ZNF195: variants seen among roughly 807,000 people sequenced by gnomAD.
The protein encoded by ZNF195 is zinc finger protein 195, also known as hypoxia-regulated factor-1.
A neutral mutation model predicts 19.5 loss-of-function variants in ZNF195; 11 were observed. The ratio of observed to expected loss-of-function variants is 0.57; its 90% CI spans 0.36 to 0.94. The LOEUF (loss-of-function observed/expected upper bound fraction) is 0.94, where lower values mean the gene tolerates loss of function less well. ZNF195 is among the 40% of genes least tolerant of loss of function. The pLI is 0.01. For missense variants in ZNF195, 582 were observed against 709.0 expected, an observed-to-expected ratio of 0.82 and a Z score of 2.03; for synonymous variants, 214 against 248.1, an observed-to-expected ratio of 0.86 and a Z score of 1.29.
intron 1 of ZNF195, chr11:3,377,755 G>T: frequency 9.6e-7 from 1 of 1,046,250 alleles, no homozygotes. Context: ...TGCTCCAGCA[G>T]ACATGGCCAT....
intron 1 of ZNF195, chr11:3,373,461 A>G: frequency 6.0e-6 from 5 of 838,028 alleles, no homozygotes; most frequent in Non-Finnish European, 9.8e-6. Context: ...AAAGTAGTTG[A>G]AACAAACTTA....
chr11:3,359,769 C>T lies in ZNF195; in HGVS notation c.1239G>A (p.Glu413=), dbSNP rs1257295861. The T allele has an allele frequency of 6.2e-7, 1 of 1,614,018 alleles. No homozygotes were observed. Among genetic ancestry groups the T allele is most frequent in the African/African-American group, 1.3e-5 (1 of 74,914 alleles). Residue 413 remains glutamate, a synonymous_variant, in exon 6 of 6, where the codon GAG becomes GAA. Transcript: ENST00000399602. This position sits in a 1 kb window ranked among gnomAD's most constrained non-coding sequence, Gnocchi z 5.5. ...ACCACTTGAAGATGCTGTCACATTC[C>T]TCACATTTGAAAGGTTTCCCTCCAA... ...NEIGGKPFKC[E]ECDSIFKWFS...
At chr11:3,376,077 A>G (rs953074397) in intron 1 of ZNF195, among the ~76,000 whole-genome samples, 3 of 152,014 alleles carry the variant, frequency 2.0e-5, no homozygotes, top group Non-Finnish European at 2.9e-5. Flanking sequence ...CCCCAGGATA[A>G]TAACGATTCC....
intron 2 of ZNF195, 77 bp downstream of exon 2, chr11:3,371,500 C>T (rs1255638562): frequency 6.3e-7 from 1 of 1,597,804 alleles, no homozygotes; most frequent in African/African-American, 1.3e-5. Flanking sequence ...CGCAGAAACT[C>T]CCAAAAAACA....
At chr11:3,378,973 A>C (rs1849615862) in intron 1 of ZNF195, 65 bp downstream of exon 1, 2 of 1,356,306 alleles carry the variant, frequency 1.5e-6, no homozygotes, top group Non-Finnish European at 1.9e-6. Context: ...GTTCCTCCCG[A>C]GCCGGTACCG....
chr11:3,364,575 A>C (rs966406837), intron 3 of ZNF195, among the ~76,000 whole-genome samples: 5 of 152,226 alleles, frequency 3.3e-5, no homozygotes, highest in Non-Finnish European at 7.3e-5. Context: ...TATTCAATGA[A>C]GTTGTGAGAT....
At chr11:3,371,847 A>ATTCTCTTTCCTC in intron 1 of ZNF195, 144 bp from the exon 2 acceptor site, 1 of 1,006,334 alleles carries the variant, frequency 9.9e-7, no homozygotes, top group Non-Finnish European at 1.4e-6. Context: ...ACTCTGAGGA[A>ATTCTCTTTCCTC]AGAGAATTGC....
At chr11:3,373,977 G>A (rs970206164) in intron 1 of ZNF195, among the ~76,000 whole-genome samples, 4 of 152,164 alleles carry the variant, frequency 2.6e-5, no homozygotes, top group Non-Finnish European at 1.5e-5. Context: ...AGCTCAACTC[G>A]TACAAATGCA....
At chr11:3,373,875 C>G (rs1849331432) in intron 1 of ZNF195, among the ~76,000 whole-genome samples, 1 of 152,248 alleles carries the variant, frequency 6.6e-6, no homozygotes, top group African/African-American at 2.4e-5. Context: ...AACAGCAATT[C>G]TGCTTCAGCA....
chr11:3,358,931 C>G lies in ZNF195; in HGVS notation c.*187G>C, dbSNP rs1848498574. The G allele has an allele frequency of 1.3e-6, 1 of 752,300 alleles. No homozygotes were observed. The highest frequency in any genetic ancestry group is 1.8e-6 in the Non-Finnish European group (1 of 541,544). 46.6% of individuals were successfully genotyped at this position (752,300 alleles called of 1,614,324 possible). A position where few individuals can be genotyped will look rare whatever the true frequency, so the allele number is the denominator to read the frequency against. ...TAAGCAACTGATGCAAGTCTTCCAT[C>G]TAGTATAATTGTAACATTTTTTTCA... On this transcript the variant is annotated 3_prime_UTR_variant, in exon 6 of 6. Transcript: ENST00000399602.
intron 3 of ZNF195, among the ~76,000 whole-genome samples, chr11:3,364,344 CAAT>C (rs1400698016): frequency 2.6e-5 from 4 of 152,074 alleles, no homozygotes; most frequent in African/African-American, 4.8e-5. Context: ...TTAAAAAAGA[CAAT>C]GATGCTAGAC....
intron 3 of ZNF195, 161 bp downstream of exon 3, chr11:3,370,814 G>T: frequency 1.6e-6 from 1 of 611,990 alleles, no homozygotes; most frequent in Non-Finnish European, 2.9e-6. Flanking sequence ...GAGAGAATGA[G>T]ACAGAAGACG....
chr11:3,361,598 A>C (rs1009144300), intron 4 of ZNF195, 145 bp downstream of exon 4: 4 of 345,666 alleles, frequency 1.2e-5, no homozygotes, highest in African/African-American at 9.1e-5. Context: ...AAAAAAATAC[A>C]AAAAAATCAA....
In ZNF195 at chr11:3,375,420, C is replaced by T. The variant is rs967092817; in HGVS notation, c.3+3618G>A. The T allele has an allele frequency of 2.6e-5, 4 of 152,022 alleles. 1 individual carries two copies. Among genetic ancestry groups the T allele is most frequent in the South Asian group, 4.1e-4 (2 of 4,830 alleles). 9.4% of individuals were successfully genotyped at this position (152,022 alleles called of 1,614,324 possible). On this transcript the variant is annotated intron_variant, in intron 1 of 5. Transcript: ENST00000399602. ...TAGAAGCTAAATATTTATTTTTAGCCGGGCAAAAGCAACAGAAATAATACC... is the reference window on the plus strand; with the variant it reads ...TAGAAGCTAAATATTTATTTTTAGCTGGGCAAAAGCAACAGAAATAATACC...
At position 3,359,225 on chromosome 11, in the gene ZNF195, C is replaced by A. The variant is rs777187713; in HGVS notation, c.1783G>T (p.Val595Leu). 27 of 1,613,904 alleles carry A rather than the reference C, an allele frequency of 1.7e-5. No homozygotes were observed. Among genetic ancestry groups the A allele is most frequent in the Non-Finnish European group, 2.1e-5 (25 of 1,179,988 alleles). The change falls in exon 6 of 6, where the codon GTA (valine) becomes TTA (leucine). Residue 595 changes from valine to leucine, a missense_variant. This residue lies in a region of ZNF195 where 407 missense variants were observed against 530.5 expected (regional missense o/e 0.77). Transcript: ENST00000399602. The surrounding 1 kb of genome is among the most constrained non-coding windows in gnomAD (Gnocchi z 5.5). ...KNFTQSSNLI[V>L]HKRIHTGEKP... ...TCTCCAGTATGAATTCTCTTATGTA[C>A]AATAAGGTTTGAGGACTGGGTAAAG... is the stretch of plus-strand genomic sequence containing the variant.
chr11:3,375,214 G>C (rs1849401268), intron 1 of ZNF195, among the ~76,000 whole-genome samples: 1 of 152,132 alleles, frequency 6.6e-6, no homozygotes, highest in Admixed American at 6.5e-5. Flanking sequence ...GCAGGATTCT[G>C]CTCTCTATGC....
intron 1 of ZNF195, among the ~76,000 whole-genome samples, chr11:3,378,517 G>A (rs1849584311): frequency 6.6e-6 from 1 of 152,158 alleles, no homozygotes; most frequent in South Asian, 2.1e-4. Context: ...GCTGAAATCA[G>A]GAGATGACGT....
intron 3 of ZNF195, chr11:3,369,273 C>T (rs1277635202): frequency 3.0e-5 from 7 of 231,292 alleles, no homozygotes; most frequent in East Asian, 1.1e-4. Flanking sequence ...CAATTCTGAA[C>T]GCTCAGAGTT....
intron 1 of ZNF195, among the ~76,000 whole-genome samples, chr11:3,372,591 T>C (rs117030055): frequency 1.1e-4 from 13 of 120,518 alleles, no homozygotes; most frequent in Admixed American, 2.6e-4. Context: ...TCTCCCAGGT[T>C]CTGACAAATA....
Sources: gnomAD v4.1 joint callset for allele counts (sites outside exome capture counted in the v4.1 genomes callset) on GRCh38, gnomAD v4.1.1 for gene constraint, gnomAD v4.1.1 regional missense constraint, Gnocchi (gnomAD v3.1) non-coding constraint, MANE v1.5 for transcripts, NCBI Gene and HGNC (gene_info 2026-07-23, HGNC 2026-07-21) for gene names.